MIR2052HG: variants seen among roughly 807,000 people sequenced by gnomAD.
MIR2052HG encodes the protein MIR2052 host gene.
intron 2 of MIR2052HG, among the ~76,000 whole-genome samples, chr8:74,698,094 T>C (rs2102112): frequency 0.66 from 99,722 of 152,048 alleles, 34,230 homozygotes; most frequent in African/African-American, 0.87. Context: ...TCACATTACC[T>C]GACTTCAAAC....
At chr8:74,725,949 T>C (rs1226431927) in intron 4 of MIR2052HG, among the ~76,000 whole-genome samples, 4 of 152,042 alleles carry the variant, frequency 2.6e-5, no homozygotes, top group African/African-American at 9.7e-5. Context: ...AATGATACAC[T>C]TTGGGAGGCT....
At chr8:74,601,354 T>A (rs1807997894) in intron 1 of MIR2052HG, among the ~76,000 whole-genome samples, 1 of 152,188 alleles carries the variant, frequency 6.6e-6, no homozygotes, top group Non-Finnish European at 1.5e-5. Context: ...CTATTCTGTA[T>A]AAGAGAGTGT....
At chr8:74,609,224 T>C (rs1323106251) in intron 1 of MIR2052HG, among the ~76,000 whole-genome samples, 1 of 151,880 alleles carries the variant, frequency 6.6e-6, no homozygotes, top group Non-Finnish European at 1.5e-5. Context: ...CCGTGAAAGA[T>C]AAAAATTAAC....
Position 74,677,619 on chromosome 8 carries a change from A to T in MIR2052HG, n.217-24760A>T, listed in dbSNP as rs1385339419. The stretch of plus-strand genomic sequence containing the variant: ...AGGTCAAAAACCAGAAGTAATAAAT[A>T]TAAGGTACTATGAAGAACTGGATGA... On this transcript the variant is annotated intron_variant and non_coding_transcript_variant, in intron 2 of 6. Transcript: ENST00000523442. Among the ~76,000 whole-genome samples the T allele has an allele frequency of 2.6e-5, 4 of 152,236 alleles. No homozygotes were observed. In the East Asian group the frequency reaches 5.8e-4, roughly 22 times the overall value.
intron 4 of MIR2052HG, among the ~76,000 whole-genome samples, chr8:74,738,995 T>C (rs935758310): frequency 2.0e-5 from 3 of 152,202 alleles, no homozygotes; most frequent in African/African-American, 7.2e-5. Flanking sequence ...TAATAATGAA[T>C]GCAATAGAAA....
At chr8:74,633,773 T>C (rs867775831) in intron 2 of MIR2052HG, among the ~76,000 whole-genome samples, 8 of 152,228 alleles carry the variant, frequency 5.3e-5, no homozygotes, top group Non-Finnish European at 8.8e-5. Flanking sequence ...CTGATAGATG[T>C]ATTGGTATGC....
intron 4 of MIR2052HG, among the ~76,000 whole-genome samples, chr8:74,738,971 T>C (rs1350402693): frequency 3.3e-5 from 5 of 152,332 alleles, no homozygotes; most frequent in East Asian, 3.9e-4. Context: ...TTAAAGTTTC[T>C]TTGTTTTTCT....
At chr8:74,604,354 A>T in intron 1 of MIR2052HG, 3 of 376,096 alleles carry the variant, frequency 8.0e-6, no homozygotes, top group Non-Finnish European at 1.6e-5. Context: ...GAAAAGGGGA[A>T]TGGGCTGGAA....
At chr8:74,752,055 A>G (rs1028694998) in intron 4 of MIR2052HG, among the ~76,000 whole-genome samples, 57 of 152,250 alleles carry the variant, frequency 3.7e-4, no homozygotes, top group Middle Eastern at 3.4e-3. Flanking sequence ...CTGAGACAAG[A>G]GGATCACTTG....
At position 74,665,852 on chromosome 8, in the gene MIR2052HG, C is replaced by T. The variant is rs140821128; in HGVS notation, n.217-36527C>T. On this transcript the variant is annotated intron_variant and non_coding_transcript_variant, in intron 2 of 6. Transcript: ENST00000523442. ...CTTGCTGTTCTTGTGATAGTGAATACGTCTCACAAAATCTGATGGTTTTAA... is the reference window on the plus strand; with the variant it reads ...CTTGCTGTTCTTGTGATAGTGAATATGTCTCACAAAATCTGATGGTTTTAA... Among the ~76,000 whole-genome samples the T allele has an allele frequency of 2.4e-3, 360 of 152,196 alleles. 1 individual carries two copies. Among genetic ancestry groups the T allele is most frequent in the African/African-American group, 7.9e-3 (330 of 41,524 alleles).
intron 2 of MIR2052HG, among the ~76,000 whole-genome samples, chr8:74,692,025 C>T (rs1318453811): frequency 6.6e-6 from 1 of 152,076 alleles, no homozygotes; most frequent in Non-Finnish European, 1.5e-5. Flanking sequence ...CTCAAAGGAC[C>T]ACCATTGAGC....
chr8:74,702,803 A>C (rs1809371034), intron 3 of MIR2052HG, among the ~76,000 whole-genome samples: 1 of 152,076 alleles, frequency 6.6e-6, no homozygotes, highest in African/African-American at 2.4e-5. Flanking sequence ...GCCCATGCTA[A>C]AGTTTAGATG....
intron 2 of MIR2052HG, among the ~76,000 whole-genome samples, chr8:74,686,257 A>C (rs1433173631): frequency 6.6e-6 from 1 of 151,894 alleles, no homozygotes; most frequent in East Asian, 1.9e-4. Context: ...TGGTCTCCCT[A>C]GTCTAATTCT....
intron 1 of MIR2052HG, among the ~76,000 whole-genome samples, chr8:74,600,075 C>T (rs938437015): frequency 1.3e-5 from 2 of 152,158 alleles, no homozygotes; most frequent in Non-Finnish European, 2.9e-5. Flanking sequence ...AATGCCTCGC[C>T]GTGCTTCGGC....
At chr8:74,635,145 A>G (rs1322485615) in intron 2 of MIR2052HG, among the ~76,000 whole-genome samples, 1 of 152,202 alleles carries the variant, frequency 6.6e-6, no homozygotes, top group African/African-American at 2.4e-5. Flanking sequence ...TTGACTGAAT[A>G]CTTATAACAG....
intron 2 of MIR2052HG, among the ~76,000 whole-genome samples, chr8:74,694,221 T>A (rs1166242964): frequency 1.3e-5 from 2 of 152,202 alleles, no homozygotes; most frequent in African/African-American, 4.8e-5. Context: ...GCCGAGAGCC[T>A]GGTAGCTCTA....
chr8:74,615,786 GGT>G (rs1392832503), intron 2 of MIR2052HG, among the ~76,000 whole-genome samples: 1 of 150,188 alleles, frequency 6.7e-6, no homozygotes, highest in African/African-American at 2.5e-5. Context: ...AACAGGCCCT[GGT>G]GTGTGATGTT....
intron 2 of MIR2052HG, among the ~76,000 whole-genome samples, chr8:74,665,637 C>T (rs141172415): frequency 1.3e-5 from 2 of 152,184 alleles, no homozygotes; most frequent in Non-Finnish European, 2.9e-5. Context: ...ATATTTACCT[C>T]TCCATTTTAT....
At chr8:74,666,884 G>A (rs1380459268) in intron 2 of MIR2052HG, among the ~76,000 whole-genome samples, 1 of 152,114 alleles carries the variant, frequency 6.6e-6, no homozygotes, top group East Asian at 1.9e-4. Flanking sequence ...GTCCTACTTG[G>A]GATTTCTCAT....
Sources: gnomAD v4.1 joint callset for allele counts (sites outside exome capture counted in the v4.1 genomes callset) on GRCh38, gnomAD v4.1.1 for gene constraint, MANE v1.5 for transcripts, NCBI Gene and HGNC (gene_info 2026-07-23, HGNC 2026-07-21) for gene names.